The following TAF4 variants were observed in gnomAD, a reference collection of about 807,000 sequenced individuals.
TAF4 encodes the protein transcription initiation factor TFIID subunit 4.
Under a neutral mutation model 90.3 loss-of-function variants are expected in TAF4, and 9 were observed. That is an observed-to-expected ratio of 0.10 (90% CI 0.06 to 0.17). TAF4 has a LOEUF of 0.17. Ranked by LOEUF, TAF4 falls within the 10% of genes least tolerant of loss-of-function variation. The pLI is 1.00. For missense variants in TAF4, 1,351 were observed against 1,370.7 expected, an observed-to-expected ratio of 0.99 and a Z score of 0.23; for synonymous variants, 818 against 638.9, an observed-to-expected ratio of 1.28 and a Z score of -4.23.
At chr20:62,049,454 A>G (rs2056013576) in intron 1 of TAF4, among the ~76,000 whole-genome samples, 1 of 152,150 alleles carries the variant, frequency 6.6e-6, no homozygotes, top group Non-Finnish European at 1.5e-5. Context: ...CCAGTGTGTC[A>G]TCAGGACCAA....
chr20:62,019,106 G>A (rs1021769392), intron 1 of TAF4, among the ~76,000 whole-genome samples: 3 of 152,282 alleles, frequency 2.0e-5, no homozygotes, highest in South Asian at 2.1e-4. Context: ...TAACAGAACC[G>A]CACTGGGGCT....
chr20:62,034,755 GA>G (rs1268326134), intron 1 of TAF4, among the ~76,000 whole-genome samples: 1 of 151,626 alleles, frequency 6.6e-6, no homozygotes, highest in Non-Finnish European at 1.5e-5. Context: ...AAACTTGATT[GA>G]AAAATATTAC....
intron 1 of TAF4, among the ~76,000 whole-genome samples, chr20:62,062,096 G>A (rs1467039058): frequency 6.6e-6 from 1 of 152,178 alleles, no homozygotes; most frequent in African/African-American, 2.4e-5. Context: ...ATGCAGCTTT[G>A]AGAACCCTGC....
At chr20:62,004,354 TCTCGCTCTGTC>T (rs1298359375) in intron 7 of TAF4, among the ~76,000 whole-genome samples, 1 of 113,362 alleles carries the variant, frequency 8.8e-6, no homozygotes, top group Non-Finnish European at 1.9e-5. Context: ...TTGAGACAAG[TCTCGCTCTGTC>T]GCCCAGGCTG....
chr20:62,019,470 T>C lies in TAF4; in HGVS notation c.1361-4763A>G, dbSNP rs572444535. On this transcript the variant is annotated intron_variant, in intron 1 of 14. Transcript: ENST00000252996. The stretch of plus-strand genomic sequence containing the variant: ...TTAAGCTATTTTCTATTTTTCATTA[T>C]GGTGAAAATGTAGGTTTTGAAACTG... Among the ~76,000 whole-genome samples, 12 of 152,400 alleles carry C rather than the reference T, an allele frequency of 7.9e-5. No individual in the cohort carries two copies. In the East Asian group the frequency reaches 2.3e-3, roughly 29 times the overall value.
intron 1 of TAF4, among the ~76,000 whole-genome samples, chr20:62,015,424 A>T (rs1032875630): frequency 4.6e-5 from 7 of 152,276 alleles, no homozygotes; most frequent in African/African-American, 1.7e-4. Context: ...TTCCATTAGA[A>T]ACAGCAACAC....
At chr20:62,003,911 G>C in intron 7 of TAF4, 33 bp from the exon 8 acceptor site, 8 of 1,517,548 alleles carry the variant, frequency 5.3e-6, no homozygotes, top group South Asian at 3.8e-5. Flanking sequence ...TGGTGAGCAT[G>C]CTCCCCGAGG....
At chr20:62,051,989 T>G (rs1250403104) in intron 1 of TAF4, among the ~76,000 whole-genome samples, 1 of 152,032 alleles carries the variant, frequency 6.6e-6, no homozygotes, top group Non-Finnish European at 1.5e-5. Context: ...ACCAAACCCC[T>G]GCAGGGCCAT....
chr20:62,040,100 T>C lies in TAF4; in HGVS notation c.1360+24351A>G, dbSNP rs372321789. ...CAGAAATTAATATTCATTTGCCATA[T>C]TCAGCAATCCCACCCCTAGTTATCT... On this transcript the variant is annotated intron_variant, in intron 1 of 14. Coordinates refer to ENST00000252996, the MANE Select transcript of TAF4 (RefSeq NM_003185.4). Among the ~76,000 whole-genome samples the C allele has an allele frequency of 5.8e-4, 88 of 152,362 alleles. 2 individuals are homozygous for C. The South Asian group carries it at 0.018, about 31-fold the overall frequency.
chr20:62,065,263 C>T lies in TAF4; in HGVS notation c.548G>A (p.Gly183Asp). The change falls in exon 1 of 15, where the codon GGC (glycine) becomes GAC (aspartate). Residue 183 changes from glycine (G) to aspartate (D), a missense_variant. Physicochemically the swap from Gly to Asp is moderately conservative, Grantham distance 94. This residue lies in a region of TAF4 where 782 missense variants were observed against 536.6 expected (regional missense o/e 1.46). Coordinates refer to ENST00000252996, the MANE Select transcript of TAF4 (RefSeq NM_003185.4). ...GPGPGPGPGP[G>D]PGPGKPAGPG... ...GCCGGCGGGCTTGCCAGGGCCAGGG[C>T]CGGGGCCGGGGCCGGGGCCGGGCCC... 2 of 910,676 alleles carry T rather than the reference C, an allele frequency of 2.2e-6. No homozygotes were observed. The highest frequency in any genetic ancestry group is 9.8e-5 in the South Asian group (2 of 20,306). 56.4% of individuals were successfully genotyped at this position (910,676 alleles called of 1,614,324 possible).
intron 1 of TAF4, among the ~76,000 whole-genome samples, chr20:62,015,657 C>T (rs1009203562): frequency 3.3e-5 from 5 of 152,202 alleles, no homozygotes; most frequent in Non-Finnish European, 5.9e-5. Flanking sequence ...GCGGCCACTG[C>T]GTTTCCCAGC....
intron 1 of TAF4, among the ~76,000 whole-genome samples, chr20:62,027,184 G>A (rs1427217007): frequency 1.3e-5 from 2 of 152,234 alleles, no homozygotes; most frequent in Non-Finnish European, 2.9e-5. Context: ...GTGGCTCTCA[G>A]GGCCCAGTGC....
At chr20:62,051,501 A>G (rs1246164612) in intron 1 of TAF4, among the ~76,000 whole-genome samples, 1 of 151,970 alleles carries the variant, frequency 6.6e-6, no homozygotes, top group Non-Finnish European at 1.5e-5. Context: ...GAACTTCGTC[A>G]TCTCGGCCCT....
chr20:61,979,363 G>C (rs1185822978), intron 14 of TAF4: 1 of 152,996 alleles, frequency 6.5e-6, no homozygotes, highest in African/African-American at 2.4e-5. Flanking sequence ...AGAAAGAAGG[G>C]CCTGTGGGGA....
intron 1 of TAF4, among the ~76,000 whole-genome samples, chr20:62,063,131 T>C (rs563603055): frequency 6.6e-6 from 1 of 152,244 alleles, no homozygotes; most frequent in Admixed American, 6.5e-5. Flanking sequence ...CCCCGGGAAG[T>C]AGCTTCACAG....
chr20:62,004,328 CTTTT>C (rs60437230), intron 7 of TAF4, among the ~76,000 whole-genome samples: 3 of 117,194 alleles, frequency 2.6e-5, no homozygotes, highest in Non-Finnish European at 5.1e-5. Flanking sequence ...CTTTTCTTTT[CTTTT>C]TTTTTTTTTT....
intron 12 of TAF4, among the ~76,000 whole-genome samples, chr20:61,998,447 C>CT (rs2055677240): frequency 6.6e-6 from 1 of 152,242 alleles, no homozygotes; most frequent in South Asian, 2.1e-4. Flanking sequence ...ATCGCAGGCT[C>CT]TGACTTGACC....
intron 1 of TAF4, among the ~76,000 whole-genome samples, chr20:62,017,602 G>C (rs1377660791): frequency 6.6e-6 from 1 of 152,184 alleles, no homozygotes; most frequent in South Asian, 2.1e-4. Context: ...AGCTGAGATC[G>C]TGCCGCTGCA....
At chr20:62,034,707 A>T (rs1397942815) in intron 1 of TAF4, among the ~76,000 whole-genome samples, 1 of 152,220 alleles carries the variant, frequency 6.6e-6, no homozygotes, top group African/African-American at 2.4e-5. Context: ...CACATATCTA[A>T]CAAAATATGT....
Sources: gnomAD v4.1 joint callset for allele counts (sites outside exome capture counted in the v4.1 genomes callset) on GRCh38, gnomAD v4.1.1 for gene constraint, gnomAD v4.1.1 regional missense constraint, MANE v1.5 for transcripts, NCBI Gene and HGNC (gene_info 2026-07-23, HGNC 2026-07-21) for gene names.